Variants in RNF216 observed in about 807,000 individuals in gnomAD.
RNF216 encodes E3 ubiquitin-protein ligase RNF216.
RNF216 carries 72 observed loss-of-function variants against 110.8 expected under a neutral mutation model. The observed-to-expected ratio is 0.65, with a 90% CI of 0.54 to 0.79. The LOEUF (loss-of-function observed/expected upper bound fraction) is 0.79, where lower values mean the gene tolerates loss of function less well. RNF216 is among the 30% of genes least tolerant of loss of function. RNF216 has a pLI of 0.00. For synonymous variants in RNF216, 495 were observed against 407.5 expected, an observed-to-expected ratio of 1.21 and a Z score of -2.59; for missense variants, 1,342 against 1,141.2, an observed-to-expected ratio of 1.18 and a Z score of -2.54.
Position 5,657,849 on chromosome 7 carries a change from G to C in RNF216, c.2062-5339C>G, listed in dbSNP as rs539061388. On this transcript the variant is annotated intron_variant, in intron 13 of 16. Coordinates refer to ENST00000389902, the MANE Select transcript of RNF216 (RefSeq NM_207111.4). ...CTGAGAATCAATAAAGTTCAGCAAA[G>C]TCAAAGCTCAGGTAGATTCAGTGAA... Among the ~76,000 whole-genome samples the C allele has an allele frequency of 3.5e-3, 528 of 152,288 alleles. 1 individual carries two copies. The highest frequency in any genetic ancestry group is 0.011 in the African/African-American group (475 of 41,564).
At chr7:5,731,659 C>T (rs932698277) in intron 5 of RNF216, among the ~76,000 whole-genome samples, 2 of 151,326 alleles carry the variant, frequency 1.3e-5, no homozygotes, top group East Asian at 1.9e-4. Flanking sequence ...CTTCTTTGCT[C>T]GGAGGGTAAT....
At chr7:5,754,413 C>T (rs6958272) in intron 2 of RNF216, among the ~76,000 whole-genome samples, 124,014 of 151,868 alleles carry the variant, frequency 0.82, 52,582 homozygotes, top group Non-Finnish European at 0.91. Flanking sequence ...CCTCCCACCT[C>T]GGCCTCCCAA....
intron 15 of RNF216, among the ~76,000 whole-genome samples, chr7:5,631,598 G>A (rs1024129144): frequency 6.6e-6 from 1 of 151,964 alleles, no homozygotes; most frequent in East Asian, 1.9e-4. Context: ...TCCCATGGGG[G>A]TCCCATGACA....
In RNF216 at chr7:5,624,279, C is replaced by G. The variant is rs528058592; in HGVS notation, c.2383-154G>C. ...GGCCTGGGCTGCACACCGTTCCTTCCTATTTCCCCGAAGGCCTCCTTCCTT... is the reference window on the plus strand; with the variant it reads ...GGCCTGGGCTGCACACCGTTCCTTCGTATTTCCCCGAAGGCCTCCTTCCTT... On this transcript the variant is annotated intron_variant, in intron 15 of 16. Coordinates refer to ENST00000389902, the MANE Select transcript of RNF216 (RefSeq NM_207111.4). This position sits in a 1 kb window ranked among gnomAD's most constrained non-coding sequence, Gnocchi z 4.4. Among the ~76,000 whole-genome samples, 223 of 152,328 alleles carry G rather than the reference C, an allele frequency of 1.5e-3. No homozygotes were observed. The highest frequency in any genetic ancestry group is 5.3e-3 in the African/African-American group (219 of 41,564).
At chr7:5,725,611 G>A (rs1165114421) in intron 7 of RNF216, among the ~76,000 whole-genome samples, 173 bp from the exon 8 acceptor site, 1 of 152,306 alleles carries the variant, frequency 6.6e-6, no homozygotes, top group East Asian at 1.9e-4. Flanking sequence ...AACACTTTGG[G>A]AGGCCAAGTG....
intron 13 of RNF216, among the ~76,000 whole-genome samples, chr7:5,669,474 A>G (rs1789755777): frequency 1.3e-5 from 2 of 152,220 alleles, no homozygotes; most frequent in South Asian, 4.1e-4. Context: ...CAAGTGAAAG[A>G]TTATATTGAC....
rs1789910181 is a variant in RNF216 at position 5,671,540 on chromosome 7, C to G, written c.2062-19030G>C. On this transcript the variant is annotated intron_variant, in intron 13 of 16. Transcript: ENST00000389902. Reference sequence around the variant, plus strand: ...ACAGAGAGAGCCGGGCACGGTGGCTCACGCCTGTAATCCCAGTACTTTGGG... The same window carrying G: ...ACAGAGAGAGCCGGGCACGGTGGCTGACGCCTGTAATCCCAGTACTTTGGG... Among the ~76,000 whole-genome samples the G allele has an allele frequency of 2.6e-5, 4 of 152,050 alleles. No homozygotes were observed. The South Asian group carries it at 8.3e-4, about 32-fold the overall frequency.
chr7:5,660,420 T>C (rs1343798158), intron 13 of RNF216, among the ~76,000 whole-genome samples: 1 of 150,424 alleles, frequency 6.6e-6, no homozygotes, highest in African/African-American at 2.4e-5. Flanking sequence ...GCCTCTCGAG[T>C]AGATGGGAAT....
Position 5,754,269 on chromosome 7 carries a change from T to C in RNF216, c.68-1290A>G, listed in dbSNP as rs556105588. ...CTCCTAGGCTCAAGCAATCCTCCCA[T>C]GTCAGCTTCCCAAGTAGCTAGGACA... On this transcript the variant is annotated intron_variant, in intron 2 of 16. Transcript: ENST00000389902. 2.6e-4 allele frequency among the ~76,000 whole-genome samples: 40 copies of C among 151,876 alleles called. No individual in the cohort carries two copies. The East Asian group carries it at 7.2e-3, about 27-fold the overall frequency.
rs1787719902 is a variant in RNF216 at position 5,641,317 on chromosome 7, A to G, written c.2219T>C (p.Ile740Thr). Residue 740 changes from isoleucine to threonine, a missense_variant, in exon 15 of 17, where the codon ATC becomes ACC. By Grantham distance (89) the Ile-to-Thr change is moderately conservative. Coordinates refer to ENST00000389902, the MANE Select transcript of RNF216 (RefSeq NM_207111.4). ...CATGCGGTTGCAGCCTTCAGATTTG[A>G]TGAGGCCAGTCCCACACTTGTGGCA... is the stretch of plus-strand genomic sequence containing the variant. ...RKCHKCGTGL[I>T]KSEGCNRMSC... 6.2e-7 allele frequency: 1 copy of G among 1,614,216 alleles called. No homozygotes were observed.
intron 11 of RNF216, among the ~76,000 whole-genome samples, chr7:5,714,048 G>A (rs1345705835): frequency 6.6e-6 from 1 of 152,190 alleles, no homozygotes; most frequent in African/African-American, 2.4e-5. Flanking sequence ...TGTCACCAAG[G>A]CTGGAGTGCA....
chr7:5,779,113 A>T (rs527267351), intron 1 of RNF216, among the ~76,000 whole-genome samples: 1 of 152,250 alleles, frequency 6.6e-6, no homozygotes, highest in Non-Finnish European at 1.5e-5. Flanking sequence ...TTATGTCTCT[A>T]AAGAGCTAGA....
chr7:5,738,044 G>A (rs1179900459), intron 5 of RNF216, among the ~76,000 whole-genome samples: 3 of 133,692 alleles, frequency 2.2e-5, no homozygotes, highest in African/African-American at 9.1e-5. Context: ...AGCCAAGATC[G>A]CACCACTGCA....
chr7:5,668,224 C>CTTT (rs10693387), intron 13 of RNF216, among the ~76,000 whole-genome samples: 1,640 of 139,878 alleles, frequency 0.012, 39 homozygotes, highest in African/African-American at 0.042. Context: ...GCAAAGCGGA[C>CTTT]TTTTTTTTTT....
chr7:5,712,978 C>G, intron 11 of RNF216, 115 bp from the exon 12 acceptor site: 1 of 911,944 alleles, frequency 1.1e-6, no homozygotes, highest in South Asian at 1.8e-5. Context: ...ATCTCTCTGC[C>G]TGTTCATCTC....
chr7:5,762,709 C>A lies in RNF216; in HGVS notation c.-69-1571G>T, dbSNP rs534868847. ...TCTGTCTCGAAAACAAACAAACAAACAAAAAAAAAATTAAAAATACAGTAT... is the reference window on the plus strand; with the variant it reads ...TCTGTCTCGAAAACAAACAAACAAAAAAAAAAAAAATTAAAAATACAGTAT... On this transcript the variant is annotated intron_variant, in intron 1 of 16. Coordinates refer to ENST00000389902, the MANE Select transcript of RNF216 (RefSeq NM_207111.4). Among the ~76,000 whole-genome samples the A allele has an allele frequency of 3.7e-3, 545 of 147,144 alleles. 1 individual carries two copies. The highest frequency in any genetic ancestry group is 0.011 in the African/African-American group (451 of 40,188).
At chr7:5,672,547 T>A (rs2128596772) in intron 13 of RNF216, among the ~76,000 whole-genome samples, 1 of 152,354 alleles carries the variant, frequency 6.6e-6, no homozygotes, top group Admixed American at 6.5e-5. Context: ...GAATTGATGT[T>A]CTGAGAATAA....
At chr7:5,768,665 G>GA (rs1554266262) in intron 1 of RNF216, among the ~76,000 whole-genome samples, 25 of 141,076 alleles carry the variant, frequency 1.8e-4, no homozygotes, top group African/African-American at 6.6e-4. Flanking sequence ...AAGCAACTTT[G>GA]TTTTTTTTTT....
At chr7:5,667,495 C>T (rs1310261472) in intron 13 of RNF216, among the ~76,000 whole-genome samples, 1 of 152,192 alleles carries the variant, frequency 6.6e-6, no homozygotes, top group African/African-American at 2.4e-5. Context: ...GAACAATGCC[C>T]GGGAACCAGG....
Sources: allele counts gnomAD v4.1 joint callset (sites outside exome capture counted in the v4.1 genomes callset), GRCh38; gene constraint gnomAD v4.1.1; non-coding constraint Gnocchi (gnomAD v3.1); transcripts MANE v1.5; gene names NCBI Gene and HGNC (gene_info 2026-07-23, HGNC 2026-07-21).